The following MAGI2 variants were observed in gnomAD, a reference collection of about 807,000 sequenced individuals.
The protein encoded by MAGI2 is membrane associated guanylate kinase, WW and PDZ domain containing 2.
Under a neutral mutation model 133.3 loss-of-function variants are expected in MAGI2, and 35 were observed. The ratio of observed to expected loss-of-function variants is 0.26; its 90% CI spans 0.20 to 0.35. MAGI2 has a LOEUF of 0.35. Ranked by LOEUF, MAGI2 falls within the 10% of genes least tolerant of loss-of-function variation. The probability of loss-of-function intolerance (pLI) is 1.00; values close to 1 mark genes in which losing one functional copy is unlikely to be tolerated. For synonymous variants in MAGI2, 729 were observed against 710.6 expected (o/e 1.03, Z -0.41); for missense variants, 1,636 against 1,863.4 (o/e 0.88, Z 2.25).
intron 3 of MAGI2, among the ~76,000 whole-genome samples, chr7:78,626,808 A>C (rs1808399709): frequency 7.0e-6 from 1 of 143,806 alleles, no homozygotes; most frequent in African/African-American, 2.7e-5. Context: ...CTCAGGAGAC[A>C]AGCACAAGAA....
chr7:79,143,684 A>G (rs902584888), intron 1 of MAGI2, among the ~76,000 whole-genome samples: 2 of 152,214 alleles, frequency 1.3e-5, no homozygotes, highest in East Asian at 1.9e-4. Context: ...TGTTAGATAT[A>G]GAACAAATGT....
At chr7:78,771,853 C>A (rs1825616073) in intron 2 of MAGI2, among the ~76,000 whole-genome samples, 1 of 152,178 alleles carries the variant, frequency 6.6e-6, no homozygotes, top group Non-Finnish European at 1.5e-5. Flanking sequence ...TGTTGTGGAA[C>A]TAGATTCAAT....
At chr7:78,142,158 G>A (rs905323934) in intron 16 of MAGI2, among the ~76,000 whole-genome samples, 9 of 152,136 alleles carry the variant, frequency 5.9e-5, no homozygotes, top group Non-Finnish European at 1.3e-4. Context: ...AGGCCACCAT[G>A]CTCAAAAGGG....
At chr7:78,844,686 T>C (rs932952728) in intron 2 of MAGI2, among the ~76,000 whole-genome samples, 1 of 151,952 alleles carries the variant, frequency 6.6e-6, no homozygotes, top group Middle Eastern at 3.4e-3. Context: ...GGGGTTTCTT[T>C]GTGGGGAACA....
chr7:79,349,692 C>T (rs941137955), intron 1 of MAGI2, among the ~76,000 whole-genome samples: 1 of 152,042 alleles, frequency 6.6e-6, no homozygotes, highest in Admixed American at 6.6e-5. Flanking sequence ...GTGCTCTTAA[C>T]TGCCACATCC....
At chr7:79,357,744 C>T (rs1918935) in intron 1 of MAGI2, among the ~76,000 whole-genome samples, 21,145 of 152,030 alleles carry the variant, frequency 0.14, 1,584 homozygotes, top group South Asian at 0.25. Context: ...TAAAATAGGA[C>T]CTAAGTGTAT....
At chr7:79,098,730 C>T (rs931496843) in intron 1 of MAGI2, among the ~76,000 whole-genome samples, 7 of 152,154 alleles carry the variant, frequency 4.6e-5, no homozygotes, top group Non-Finnish European at 1.0e-4. Flanking sequence ...ATTTGACATA[C>T]ACCATAATTA....
At chr7:79,008,933 A>C (rs1039143898) in intron 1 of MAGI2, 2 of 152,124 alleles carry the variant, frequency 1.3e-5, no homozygotes, top group African/African-American at 4.8e-5. Flanking sequence ...CTGAGTAAGC[A>C]TCATGCCTGT....
chr7:79,227,251 T>G (rs1830939490), intron 1 of MAGI2, among the ~76,000 whole-genome samples: 1 of 152,186 alleles, frequency 6.6e-6, no homozygotes, highest in South Asian at 2.1e-4. Flanking sequence ...AATGAATGCA[T>G]GCAAAATGGT....
At chr7:78,365,831 T>G (rs866575557) in intron 7 of MAGI2, among the ~76,000 whole-genome samples, 19 of 152,330 alleles carry the variant, frequency 1.2e-4, no homozygotes, top group African/African-American at 4.6e-4. Flanking sequence ...TGCTATTGAT[T>G]GTTGCAATTG....
intron 1 of MAGI2, among the ~76,000 whole-genome samples, chr7:79,196,038 G>A (rs1447150478): frequency 6.6e-6 from 1 of 151,794 alleles, no homozygotes; most frequent in African/African-American, 2.4e-5. Flanking sequence ...CATGGTGAAT[G>A]TAGTTAATTT....
chr7:78,258,464 A>T (rs1021808687), intron 9 of MAGI2, among the ~76,000 whole-genome samples: 4 of 152,282 alleles, frequency 2.6e-5, no homozygotes, highest in African/African-American at 9.6e-5. Context: ...AACATTGCTC[A>T]TATTAGTTGA....
Position 78,872,034 on chromosome 7 carries a change from C to CT in MAGI2, c.418+135055dup, listed in dbSNP as rs889624299. ...TCTCTTTGTTCTTCCTTTGAACAAC[C>CT]TTTTTTTTTTCTTTCAGTTAGCTTT... On this transcript the variant is annotated intron_variant, in intron 2 of 21. Coordinates refer to ENST00000354212, the MANE Select transcript of MAGI2 (RefSeq NM_012301.4). Among the ~76,000 whole-genome samples, 440 of 148,510 alleles carry CT rather than the reference C, an allele frequency of 3.0e-3. 4 individuals carry two copies. The highest frequency in any genetic ancestry group is 0.01 in the African/African-American group (412 of 40,580).
chr7:78,538,944 T>C (rs941834444), intron 3 of MAGI2, among the ~76,000 whole-genome samples: 5 of 152,192 alleles, frequency 3.3e-5, no homozygotes, highest in African/African-American at 1.2e-4. Context: ...AATACTAACA[T>C]TGAATATAAG....
intron 2 of MAGI2, among the ~76,000 whole-genome samples, chr7:78,778,904 C>CT (rs71085566): frequency 0.032 from 3,811 of 118,416 alleles, 105 homozygotes; most frequent in Non-Finnish European, 0.046. Flanking sequence ...CCTTTTCAGC[C>CT]TTTTTTTTTT....
At chr7:79,131,424 G>A (rs932533317) in intron 1 of MAGI2, among the ~76,000 whole-genome samples, 2 of 152,180 alleles carry the variant, frequency 1.3e-5, no homozygotes, top group Non-Finnish European at 2.9e-5. Flanking sequence ...GAAACCCAGA[G>A]GACGTGATAA....
intron 2 of MAGI2, chr7:78,901,343 A>G (rs1797607040): frequency 6.6e-6 from 1 of 152,236 alleles, no homozygotes. Context: ...AGAGCTCAAT[A>G]TATGAAATGT....
Position 78,892,421 on chromosome 7 carries a change from A to C in MAGI2, c.418+114669T>G, listed in dbSNP as rs1306215361. 2.0e-5 allele frequency among the ~76,000 whole-genome samples: 3 copies of C among 152,324 alleles called. No individual in the cohort carries two copies. The East Asian group carries it at 5.8e-4, about 29-fold the overall frequency. On this transcript the variant is annotated intron_variant, in intron 2 of 21. Transcript: ENST00000354212. ...AACCAAAAAAGAGCCCACATCACCA[A>C]GTCAATCCTAAGCCAAAAGAACAAA...
chr7:79,084,142 C>A (rs1311428519), intron 1 of MAGI2, among the ~76,000 whole-genome samples: 2 of 151,406 alleles, frequency 1.3e-5, no homozygotes, highest in Non-Finnish European at 3.0e-5. Context: ...TTTCTATTAT[C>A]CATTTTACTT....
Sources: gnomAD v4.1 joint callset for allele counts (sites outside exome capture counted in the v4.1 genomes callset) on GRCh38, gnomAD v4.1.1 for gene constraint, MANE v1.5 for transcripts, NCBI Gene and HGNC (gene_info 2026-07-23, HGNC 2026-07-21) for gene names.